Variants in SAP130 observed in about 807,000 individuals in gnomAD.
SAP130 encodes Sin3A associated protein 130, also known as histone deacetylase complex subunit SAP130.
SAP130 carries 16 observed loss-of-function variants against 103.2 expected under a neutral mutation model. The observed-to-expected ratio is 0.16, with a 90% confidence interval of 0.10 to 0.24. The LOEUF is 0.24. Ranked by LOEUF, SAP130 falls within the 10% of genes least tolerant of loss-of-function variation. The pLI, the probability that SAP130 is intolerant of heterozygous loss-of-function variation, is 1.00. For missense variants in SAP130, 990 were observed against 1,359.7 expected (o/e 0.73, Z 4.28); for synonymous variants, 477 against 497.0 (o/e 0.96, Z 0.53).
intron 15 of SAP130, among the ~76,000 whole-genome samples, chr2:127,960,104 G>C (rs1680135045): frequency 6.6e-6 from 1 of 152,156 alleles, no homozygotes; most frequent in South Asian, 2.1e-4. Context: ...AGCCTAATCT[G>C]AACAATATAG....
intron 15 of SAP130, among the ~76,000 whole-genome samples, chr2:127,964,515 AAAAGT>A (rs1559047468): frequency 6.8e-6 from 1 of 146,736 alleles, no homozygotes; most frequent in Non-Finnish European, 1.5e-5. Context: ...AAAAAAAAAA[AAAAGT>A]AAATTAAAAA....
Position 128,026,305 on chromosome 2 carries a change from T to C in SAP130, c.-6-7A>G. On this transcript the variant is annotated splice_polypyrimidine_tract_variant and splice_region_variant and intron_variant, in intron 1 of 20. Coordinates refer to ENST00000643581, the MANE Select transcript of SAP130 (RefSeq NM_001330301.2). ...GTTGAGAACTCATTTCCACCTGTAGTACATACAGTTATATGGTTATTACTA... is the reference window on the plus strand; with the variant it reads ...GTTGAGAACTCATTTCCACCTGTAGCACATACAGTTATATGGTTATTACTA... 1.3e-6 allele frequency: 2 copies of C among 1,566,942 alleles called. No homozygotes were observed. Among genetic ancestry groups the C allele is most frequent in the Middle Eastern group, 1.7e-4 (1 of 5,962 alleles).
At chr2:127,976,291 C>A (rs79507912) in intron 15 of SAP130, among the ~76,000 whole-genome samples, 1 of 152,206 alleles carries the variant, frequency 6.6e-6, no homozygotes, top group South Asian at 2.1e-4. Flanking sequence ...CTCAGAGAAG[C>A]CTTTTTCTGT....
chr2:127,984,320 T>C (rs1307256672), intron 14 of SAP130, among the ~76,000 whole-genome samples: 1 of 152,238 alleles, frequency 6.6e-6, no homozygotes, highest in Non-Finnish European at 1.5e-5. Context: ...CTCATTTGTT[T>C]TGTGTTTTAT....
chr2:127,976,292 CT>C (rs1159422024), intron 15 of SAP130, among the ~76,000 whole-genome samples: 1 of 152,194 alleles, frequency 6.6e-6, no homozygotes, highest in African/African-American at 2.4e-5. Context: ...TCAGAGAAGC[CT>C]TTTTCTGTAA....
At chr2:127,962,175 C>T (rs1255523686) in intron 15 of SAP130, among the ~76,000 whole-genome samples, 2 of 152,178 alleles carry the variant, frequency 1.3e-5, no homozygotes, top group Non-Finnish European at 2.9e-5. Flanking sequence ...ACAGCTCTTC[C>T]AACAGCATAT....
chr2:128,025,658 A>G (rs374597737), intron 2 of SAP130, among the ~76,000 whole-genome samples: 15 of 152,312 alleles, frequency 9.8e-5, no homozygotes, highest in African/African-American at 3.6e-4. Flanking sequence ...TAATCTAGAG[A>G]TGATTTAAAA....
Position 127,996,955 on chromosome 2 carries a change from C to T in SAP130, c.1214-464G>A, listed in dbSNP as rs141734653. On this transcript the variant is annotated intron_variant, in intron 10 of 20. Coordinates refer to ENST00000643581, the MANE Select transcript of SAP130 (RefSeq NM_001330301.2). The surrounding 1 kb of genome is among the most constrained non-coding windows in gnomAD (Gnocchi z 4.3). ...AAACACACAATTTTGGATTAAAAAA[C>T]GGAAAAAACAAACAAACAAAAAACC... 1.6e-4 allele frequency among the ~76,000 whole-genome samples: 24 copies of T among 152,104 alleles called. No individual in the cohort carries two copies. The East Asian group carries it at 3.1e-3, about 20-fold the overall frequency.
chr2:127,953,697 A>C lies in SAP130; in HGVS notation c.2422+1289T>G, dbSNP rs571848106. 8.5e-5 allele frequency among the ~76,000 whole-genome samples: 13 copies of C among 152,096 alleles called. No homozygotes were observed. Among genetic ancestry groups the C allele is most frequent in the African/African-American group, 3.1e-4 (13 of 41,474 alleles). ...TACTTACTGCTCTCTGGCCTGGAAT[A>C]CCCTTTCCCCGGATATCCTCATGGC... On this transcript the variant is annotated intron_variant, in intron 16 of 20. Coordinates refer to ENST00000643581, the MANE Select transcript of SAP130 (RefSeq NM_001330301.2). The surrounding 1 kb of genome is among the most constrained non-coding windows in gnomAD (Gnocchi z 4.0).
intron 2 of SAP130, among the ~76,000 whole-genome samples, chr2:128,023,781 A>G (rs190959726): frequency 6.6e-6 from 1 of 152,302 alleles, no homozygotes; most frequent in African/African-American, 2.4e-5. Flanking sequence ...CGTCTCAGAA[A>G]AAAAGAAGAC....
chr2:128,016,254 T>A lies in SAP130; in HGVS notation c.507+135A>T, dbSNP rs1057472807. Reference sequence around the variant, plus strand: ...TTATCCTTCTCTCTCAAACCTACTATCTTCACTTGCAGGTATCAGTGACTG... The same window carrying A: ...TTATCCTTCTCTCTCAAACCTACTAACTTCACTTGCAGGTATCAGTGACTG... On this transcript the variant is annotated intron_variant, in intron 4 of 20. Coordinates refer to ENST00000643581, the MANE Select transcript of SAP130 (RefSeq NM_001330301.2). The A allele has an allele frequency of 5.8e-6, 5 of 866,878 alleles. No individual in the cohort carries two copies. In the African/African-American group the frequency reaches 8.5e-5, roughly 15 times the overall value. The allele number at this position is 866,878 out of a possible 1,614,324, so 53.7% of individuals were successfully genotyped here. A position where few individuals can be genotyped will look rare whatever the true frequency, so the allele number is the denominator to read the frequency against.
intron 15 of SAP130, among the ~76,000 whole-genome samples, chr2:127,964,461 T>G (rs1375017053): frequency 1.6e-5 from 2 of 121,850 alleles, no homozygotes; most frequent in Non-Finnish European, 3.1e-5. Context: ...GTCACTGCAC[T>G]CCAGCCTGGG....
Position 127,941,774 on chromosome 2 carries a change from C to T in SAP130, c.*232G>A. ...CTGATGCATCCGGAGTCACTTATGA[C>T]ACAGATCAGGTTTAACAGGGGTGCA... On this transcript the variant is annotated 3_prime_UTR_variant, in exon 21 of 21. Coordinates refer to ENST00000643581, the MANE Select transcript of SAP130 (RefSeq NM_001330301.2). 1 of 519,658 alleles carries T rather than the reference C, an allele frequency of 1.9e-6. No individual in the cohort carries two copies. Among genetic ancestry groups the T allele is most frequent in the Non-Finnish European group, 3.4e-6 (1 of 297,960 alleles). The allele number at this position is 519,658 out of a possible 1,614,324, so 32.2% of individuals were successfully genotyped here.
At chr2:127,983,177 C>T (rs999404707) in intron 14 of SAP130, among the ~76,000 whole-genome samples, 16 of 152,286 alleles carry the variant, frequency 1.1e-4, no homozygotes, top group African/African-American at 2.9e-4. Context: ...CTTGACTCTG[C>T]GCCTCTAGAT....
At chr2:127,984,449 G>T (rs1031244625) in intron 14 of SAP130, among the ~76,000 whole-genome samples, 3 of 152,194 alleles carry the variant, frequency 2.0e-5, no homozygotes, top group African/African-American at 2.4e-5. Flanking sequence ...GTATGTTCAT[G>T]ATTAAGAGTC....
intron 5 of SAP130, among the ~76,000 whole-genome samples, chr2:128,013,592 C>T (rs1362639310): frequency 6.6e-6 from 1 of 152,190 alleles, no homozygotes; most frequent in African/African-American, 2.4e-5. Context: ...CCCATAAGGG[C>T]CTGTGAACCA....
chr2:127,959,529 C>T (rs1447036171), intron 15 of SAP130, among the ~76,000 whole-genome samples: 3 of 152,224 alleles, frequency 2.0e-5, no homozygotes, highest in East Asian at 3.8e-4. Context: ...CTTCACTGAT[C>T]ACCTGGCAGT....
intron 2 of SAP130, among the ~76,000 whole-genome samples, chr2:128,025,007 A>AG (rs1406958504): frequency 8.0e-5 from 12 of 150,886 alleles, no homozygotes; most frequent in Admixed American, 5.9e-4. Context: ...ATTGCGCAAA[A>AG]AAAAAAAAAA....
chr2:127,944,740 T>TA (rs1678952408), intron 19 of SAP130, among the ~76,000 whole-genome samples: 1 of 151,822 alleles, frequency 6.6e-6, no homozygotes, highest in South Asian at 2.1e-4. Context: ...CAAAAAATTT[T>TA]AAAAAATCAG....
Sources: allele counts gnomAD v4.1 joint callset (sites outside exome capture counted in the v4.1 genomes callset), GRCh38; gene constraint gnomAD v4.1.1; non-coding constraint Gnocchi (gnomAD v3.1); transcripts MANE v1.5; gene names NCBI Gene and HGNC (gene_info 2026-07-23, HGNC 2026-07-21).